The following DMD variants were observed in gnomAD, a reference collection of about 807,000 sequenced individuals.
The protein encoded by DMD is dystrophin.
A neutral mutation model predicts 330.1 loss-of-function variants in DMD; 63 were observed. The observed-to-expected ratio is 0.19, with a 90% confidence interval of 0.16 to 0.24. The LOEUF is 0.24. Ranked by LOEUF, DMD falls within the 10% of genes least tolerant of loss-of-function variation. The probability of loss-of-function intolerance (pLI) is 1.00; values close to 1 mark genes in which losing one functional copy is unlikely to be tolerated. For synonymous variants in DMD, 1,223 were observed against 959.8 expected, an observed-to-expected ratio of 1.27 and a Z score of -5.07; for missense variants, 3,344 against 2,684.1, an observed-to-expected ratio of 1.25 and a Z score of -5.43.
At chrX:33,286,516 C>G (rs1325763516) in intron 1 of DMD, among the ~76,000 whole-genome samples, 1 of 112,100 alleles carries the variant, frequency 8.9e-6, no homozygotes, top group African/African-American at 3.2e-5. Flanking sequence ...ATCTCCAGGC[C>G]TGTTCTCCTG....
chrX:32,073,310 G>A (rs2147815413), intron 44 of DMD, among the ~76,000 whole-genome samples: 1 of 111,571 alleles, frequency 9.0e-6, no homozygotes, highest in Admixed American at 9.6e-5. Flanking sequence ...GCGTCATTTG[G>A]CAAATTACTA....
Position 32,958,861 on chromosome X carries a change from AT to A in DMD, c.93+61277del, listed in dbSNP as rs748437563. On this transcript the variant is annotated intron_variant, in intron 2 of 78. Coordinates refer to ENST00000357033, the MANE Select transcript of DMD (RefSeq NM_004006.3). ...CATTATTACGATTGCAATATACATT[AT>A]TACCAACCTGCTATTTAGGAGAAAA... Among the ~76,000 whole-genome samples the A allele has an allele frequency of 1.4e-4, 16 of 110,807 alleles. No individual in the cohort carries two copies. The South Asian group carries it at 6.1e-3, about 42-fold the overall frequency.
At chrX:33,072,295 G>A (rs1279853717) in intron 1 of DMD, among the ~76,000 whole-genome samples, 1 of 111,665 alleles carries the variant, frequency 9.0e-6, no homozygotes, top group Non-Finnish European at 1.9e-5. Flanking sequence ...GCAGGCACCT[G>A]TAATCCTAGC....
At chrX:32,888,798 A>G (rs2084913326) in intron 2 of DMD, among the ~76,000 whole-genome samples, 1 of 111,955 alleles carries the variant, frequency 8.9e-6, no homozygotes, top group South Asian at 3.7e-4. Flanking sequence ...AAAATGTGGA[A>G]TATACACACA....
chrX:32,342,670 G>A, intron 40 of DMD: 1 of 259,768 alleles, frequency 3.8e-6, no homozygotes, highest in Non-Finnish European at 6.9e-6. Context: ...AAAGGTTTGA[G>A]GAACTCAACA....
rs374870567 is a variant in DMD, at chrX:32,386,258, C to T, written c.4674+52G>A. 1.3e-4 allele frequency: 158 copies of T among 1,192,084 alleles called. No homozygotes were observed. The African/African-American group carries it at 2.4e-3, about 18-fold the overall frequency. ...ACATAATTTATTGCCCGTTGCTTTA[C>T]AATTTATAAGGAAAGTGGAAAGAAG... On this transcript the variant is annotated intron_variant, in intron 33 of 78. Coordinates refer to ENST00000357033, the MANE Select transcript of DMD (RefSeq NM_004006.3).
chrX:31,586,366 T>C lies in DMD; in HGVS notation c.8217+41307A>G, dbSNP rs1007443885. ...ATAATGTTTGAAACAGAGTATACTA[T>C]TTAAAAGCTACATATGTGCTAAATC... is the stretch of plus-strand genomic sequence containing the variant. On this transcript the variant is annotated intron_variant, in intron 55 of 78. Coordinates refer to ENST00000357033, the MANE Select transcript of DMD (RefSeq NM_004006.3). Among the ~76,000 whole-genome samples the C allele has an allele frequency of 1.1e-4, 12 of 112,568 alleles. No individual in the cohort carries two copies. In the South Asian group the frequency reaches 1.1e-3, roughly 10 times the overall value.
chrX:31,161,174 AATG>A (rs200703018), intron 74 of DMD, among the ~76,000 whole-genome samples: 1,247 of 111,656 alleles, frequency 0.011, 8 homozygotes, highest in South Asian at 0.034. Context: ...CCAGGAAAAC[AATG>A]ATGTTTCTTT....
chrX:32,237,840 C>T (rs2097193590), intron 43 of DMD, among the ~76,000 whole-genome samples: 1 of 111,912 alleles, frequency 8.9e-6, no homozygotes, highest in Non-Finnish European at 1.9e-5. Flanking sequence ...GAACCCTTGA[C>T]TGACTTGTGT....
At chrX:32,275,345 G>A (rs1191170521) in intron 43 of DMD, among the ~76,000 whole-genome samples, 1 of 111,908 alleles carries the variant, frequency 8.9e-6, no homozygotes, top group Non-Finnish European at 1.9e-5. Flanking sequence ...CCAAGTTGAT[G>A]CTATCAAATT....
chrX:32,339,028 T>C (rs965001311), intron 41 of DMD, among the ~76,000 whole-genome samples: 3 of 112,535 alleles, frequency 2.7e-5, no homozygotes, highest in Admixed American at 9.5e-5. Flanking sequence ...AGATTATGTC[T>C]ATTTTCCAAT....
intron 62 of DMD, among the ~76,000 whole-genome samples, chrX:31,310,611 C>T (rs1449770660): frequency 9.0e-6 from 1 of 110,545 alleles, no homozygotes; most frequent in Non-Finnish European, 1.9e-5. Flanking sequence ...GTGGCACAAA[C>T]ACGGTTCACT....
intron 43 of DMD, among the ~76,000 whole-genome samples, chrX:32,244,865 T>C (rs2097226563): frequency 1.4e-5 from 1 of 70,126 alleles, no homozygotes; most frequent in Non-Finnish European, 2.6e-5. Context: ...ATATTAGCCC[T>C]TTGTCAGATG....
At chrX:32,241,200 G>C (rs1298669690) in intron 43 of DMD, among the ~76,000 whole-genome samples, 1 of 112,131 alleles carries the variant, frequency 8.9e-6, no homozygotes, top group Admixed American at 9.5e-5. Context: ...TTTGTGTCTT[G>C]TTCTCTCTCC....
chrX:31,861,670 A>G (rs1435342452), intron 48 of DMD, among the ~76,000 whole-genome samples: 1 of 93,287 alleles, frequency 1.1e-5, no homozygotes, highest in African/African-American at 3.8e-5. Context: ...GTGTGTGTAT[A>G]TATATACACA....
intron 2 of DMD, among the ~76,000 whole-genome samples, chrX:32,944,657 T>C (rs989361493): frequency 9.3e-6 from 1 of 107,342 alleles, no homozygotes; most frequent in Non-Finnish European, 1.9e-5. Context: ...CAGGCTGGAG[T>C]GCAGTGGCGA....
intron 2 of DMD, among the ~76,000 whole-genome samples, chrX:32,958,983 A>G (rs1351596385): frequency 9.2e-6 from 1 of 108,480 alleles, no homozygotes; most frequent in African/African-American, 3.3e-5. Flanking sequence ...GGGGTGTGTT[A>G]TTTTTAATAT....
intron 62 of DMD, among the ~76,000 whole-genome samples, chrX:31,274,938 G>T (rs1241481370): frequency 9.1e-6 from 1 of 110,093 alleles, no homozygotes; most frequent in Non-Finnish European, 1.9e-5. Context: ...AAGGAAATAT[G>T]GCCTTTTCCT....
chrX:32,457,985 C>A (rs1282794737), intron 25 of DMD, among the ~76,000 whole-genome samples: 2 of 110,896 alleles, frequency 1.8e-5, no homozygotes, highest in African/African-American at 6.5e-5. Context: ...TTCTATCTAA[C>A]AAACATGTAC....
Sources: allele counts gnomAD v4.1 joint callset (sites outside exome capture counted in the v4.1 genomes callset), GRCh38; gene constraint gnomAD v4.1.1; transcripts MANE v1.5; gene names NCBI Gene and HGNC (gene_info 2026-07-23, HGNC 2026-07-21).